Variants in TRAPPC12 observed in about 807,000 individuals in gnomAD.
TRAPPC12 encodes the protein TPR repeat protein 15.
A neutral mutation model predicts 69.2 loss-of-function variants in TRAPPC12; 61 were observed. That is an observed-to-expected ratio of 0.88 (90% CI 0.72 to 1.09). TRAPPC12 has a LOEUF of 1.09. Ranked by LOEUF, TRAPPC12 falls within the 50% of genes least tolerant of loss-of-function variation. The pLI is 0.00. For missense variants in TRAPPC12, 1,101 were observed against 1,016.4 expected (o/e 1.08, Z -1.13); for synonymous variants, 469 against 438.9 (o/e 1.07, Z -0.86).
chr2:3,475,309 C>T (rs546077451), intron 9 of TRAPPC12, among the ~76,000 whole-genome samples: 51 of 151,992 alleles, frequency 3.4e-4, no homozygotes, highest in African/African-American at 1.2e-3. Context: ...GACAAGGTCT[C>T]ACTTTGTTGC....
At chr2:3,443,112 G>A (rs183804499) in intron 5 of TRAPPC12, among the ~76,000 whole-genome samples, 112 of 152,298 alleles carry the variant, frequency 7.4e-4, no homozygotes, top group African/African-American at 2.6e-3. Flanking sequence ...ATATAAAGGG[G>A]GTTTCTCCTG....
chr2:3,412,470 C>G (rs891332318), intron 3 of TRAPPC12, among the ~76,000 whole-genome samples: 2 of 152,136 alleles, frequency 1.3e-5, no homozygotes, highest in Non-Finnish European at 2.9e-5. Context: ...CTGAGGCGGG[C>G]GAATTGCTTG....
chr2:3,474,406 C>T (rs1666201559), intron 9 of TRAPPC12, among the ~76,000 whole-genome samples: 2 of 152,156 alleles, frequency 1.3e-5, no homozygotes, highest in African/African-American at 4.8e-5. Context: ...GTCGGCCTCC[C>T]CCAGCCCACT....
intron 4 of TRAPPC12, among the ~76,000 whole-genome samples, chr2:3,423,706 G>A (rs1032333453): frequency 6.6e-6 from 1 of 152,298 alleles, no homozygotes; most frequent in Non-Finnish European, 1.5e-5. Context: ...TCCACTGTGC[G>A]TCATGCCACG....
At chr2:3,434,265 A>C (rs1663626303) in intron 5 of TRAPPC12, among the ~76,000 whole-genome samples, 1 of 152,178 alleles carries the variant, frequency 6.6e-6, no homozygotes, top group Non-Finnish European at 1.5e-5. Context: ...TGAAATTCAC[A>C]CACCTTACCT....
At position 3,414,588 on chromosome 2, in the gene TRAPPC12, G is replaced by A. The variant is rs893168203; in HGVS notation, c.1165-7293G>A. On this transcript the variant is annotated intron_variant, in intron 3 of 11. Coordinates refer to ENST00000324266, the MANE Select transcript of TRAPPC12 (RefSeq NM_016030.6). The surrounding 1 kb of genome is among the most constrained non-coding windows in gnomAD (Gnocchi z 4.9). ...CTGTGCAGTGCCTTGAACGTGCTCTGCCGTGTGTCGGCCCGTTTCCTGAAT... is the reference window on the plus strand; with the variant it reads ...CTGTGCAGTGCCTTGAACGTGCTCTACCGTGTGTCGGCCCGTTTCCTGAAT... 2.1e-5 allele frequency among the ~76,000 whole-genome samples: 3 copies of A among 142,656 alleles called. No individual in the cohort carries two copies. The highest frequency in any genetic ancestry group is 8.0e-5 in the African/African-American group (3 of 37,720). 93.6% of individuals were successfully genotyped at this position (142,656 alleles called of 152,430 possible).
intron 1 of TRAPPC12, among the ~76,000 whole-genome samples, chr2:3,385,449 T>C (rs958874220): frequency 2.0e-5 from 3 of 152,226 alleles, no homozygotes; most frequent in Non-Finnish European, 4.4e-5. Context: ...TTAAGCTTTA[T>C]AATTTAGAAG....
At chr2:3,422,178 G>A (rs991700872) in intron 4 of TRAPPC12, among the ~76,000 whole-genome samples, 184 bp downstream of exon 4, 11 of 152,188 alleles carry the variant, frequency 7.2e-5, no homozygotes, top group Admixed American at 4.6e-4. Context: ...CCGTCAGGAT[G>A]CCTGTGCGCC....
rs148794395 is a variant in TRAPPC12 at position 3,400,710 on chromosome 2, T to C, written c.1048-1067T>C. Reference sequence around the variant, plus strand: ...GCCACCGAAACAGCACTGAGGCCTGTGGACTGTGACAGTTTTCTCTGCACT... The same window carrying C: ...GCCACCGAAACAGCACTGAGGCCTGCGGACTGTGACAGTTTTCTCTGCACT... On this transcript the variant is annotated intron_variant, in intron 2 of 11. Transcript: ENST00000324266. Among the ~76,000 whole-genome samples the C allele has an allele frequency of 5.9e-4, 90 of 152,292 alleles. 1 individual carries two copies. Among genetic ancestry groups the C allele is most frequent in the African/African-American group, 2.0e-3 (84 of 41,564 alleles).
At chr2:3,427,897 A>C (rs1294166387) in intron 5 of TRAPPC12, among the ~76,000 whole-genome samples, 1 of 151,482 alleles carries the variant, frequency 6.6e-6, no homozygotes, top group Admixed American at 6.6e-5. Context: ...TGTCCCACAA[A>C]AAAAAAAAAA....
At chr2:3,445,785 G>C (rs937661956) in intron 6 of TRAPPC12, among the ~76,000 whole-genome samples, 9 of 152,234 alleles carry the variant, frequency 5.9e-5, no homozygotes, top group Non-Finnish European at 2.9e-5. Context: ...AGGACCGAGA[G>C]TCCTCTCTTC....
chr2:3,447,209 C>G (rs1284212232), intron 6 of TRAPPC12, among the ~76,000 whole-genome samples: 3 of 152,066 alleles, frequency 2.0e-5, no homozygotes, highest in African/African-American at 7.2e-5. Context: ...AGCGATTCTC[C>G]TGCCTTGCCT....
At chr2:3,444,037 G>A (rs1044754170) in intron 6 of TRAPPC12, 146 bp downstream of exon 6, 1 of 623,304 alleles carries the variant, frequency 1.6e-6, no homozygotes, top group Non-Finnish European at 2.9e-6. Flanking sequence ...GACCCGGTTT[G>A]TGTGGCCTGG....
intron 3 of TRAPPC12, among the ~76,000 whole-genome samples, chr2:3,406,593 G>A (rs774589562): frequency 2.0e-5 from 3 of 152,220 alleles, no homozygotes; most frequent in Non-Finnish European, 4.4e-5. Context: ...CAGCTAATTT[G>A]TAAGTATCTG....
At chr2:3,432,131 T>C (rs999456590) in intron 5 of TRAPPC12, among the ~76,000 whole-genome samples, 1 of 152,252 alleles carries the variant, frequency 6.6e-6, no homozygotes, top group African/African-American at 2.4e-5. Context: ...AGCAGCTTGA[T>C]TATCTTCACT....
intron 8 of TRAPPC12, 49 bp from the exon 9 acceptor site, chr2:3,465,548 C>T (rs1665766564): frequency 1.5e-6 from 2 of 1,302,382 alleles, no homozygotes; most frequent in African/African-American, 2.9e-5. Flanking sequence ...GTGTGAAACC[C>T]ACAGTGCTGT....
chr2:3,380,998 A>G (rs531631565), intron 1 of TRAPPC12, among the ~76,000 whole-genome samples: 57 of 152,310 alleles, frequency 3.7e-4, no homozygotes, highest in Non-Finnish European at 6.0e-4. Context: ...CTGCCTGGCA[A>G]CCTTGCAAGA....
chr2:3,466,362 C>T lies in TRAPPC12; in HGVS notation c.1776+667C>T, dbSNP rs115925235. On this transcript the variant is annotated intron_variant, in intron 9 of 11. Coordinates refer to ENST00000324266, the MANE Select transcript of TRAPPC12 (RefSeq NM_016030.6). ...CAAGGGATGGCTGAGCGGGGAGAAG[C>T]AGCACAGACCTTCCACAGGCACCCA... 2,485 of 471,210 alleles carry T rather than the reference C, an allele frequency of 5.3e-3. 51 individuals carry two copies. The highest frequency in any genetic ancestry group is 0.043 in the African/African-American group (2,151 of 50,204). The allele number at this position is 471,210 out of a possible 1,614,324, so 29.2% of individuals were successfully genotyped here.
chr2:3,462,314 C>T (rs1257351632), intron 8 of TRAPPC12, among the ~76,000 whole-genome samples: 1 of 152,118 alleles, frequency 6.6e-6, no homozygotes, highest in Non-Finnish European at 1.5e-5. Context: ...AATACTTTTA[C>T]AATGGACATG....
Sources: gnomAD v4.1 joint callset for allele counts (sites outside exome capture counted in the v4.1 genomes callset) on GRCh38, gnomAD v4.1.1 for gene constraint, Gnocchi (gnomAD v3.1) non-coding constraint, MANE v1.5 for transcripts, NCBI Gene and HGNC (gene_info 2026-07-23, HGNC 2026-07-21) for gene names.